Variants in RAB6A observed in about 807,000 individuals in gnomAD.
RAB6A encodes RAB6A, member RAS oncogene family, also known as ras-related protein Rab-6A.
Under a neutral mutation model 32.3 loss-of-function variants are expected in RAB6A, and 8 were observed. The ratio of observed to expected loss-of-function variants is 0.25; its 90% confidence interval spans 0.15 to 0.45. RAB6A has a LOEUF of 0.45. Ranked by LOEUF, RAB6A falls within the 20% of genes least tolerant of loss-of-function variation. RAB6A has a pLI of 1.00. For missense variants in RAB6A, 104 were observed against 249.4 expected (o/e 0.42, Z 3.93); for synonymous variants, 73 against 82.1 (o/e 0.89, Z 0.60).
At chr11:73,724,778 G>A (rs1041766621) in intron 2 of RAB6A, among the ~76,000 whole-genome samples, 7 of 152,190 alleles carry the variant, frequency 4.6e-5, no homozygotes, top group Non-Finnish European at 8.8e-5. Context: ...GAGCCACTGC[G>A]CCTGGCCTCC....
intron 1 of RAB6A, among the ~76,000 whole-genome samples, chr11:73,746,158 A>T (rs1348860915): frequency 1.3e-5 from 2 of 151,406 alleles, no homozygotes; most frequent in African/African-American, 4.9e-5. Context: ...AGACCCCATC[A>T]ATTTAAAAGA....
chr11:73,751,113 G>A (rs1276450122), intron 1 of RAB6A, among the ~76,000 whole-genome samples: 1 of 151,984 alleles, frequency 6.6e-6, no homozygotes, highest in Non-Finnish European at 1.5e-5. Flanking sequence ...CGGCCAAAGT[G>A]TACTTTTAAA....
At chr11:73,718,556 A>G in intron 4 of RAB6A, 57 bp downstream of exon 4, 1 of 1,395,458 alleles carries the variant, frequency 7.2e-7, no homozygotes, top group Non-Finnish European at 9.9e-7. Flanking sequence ...AAGAACATGC[A>G]TGCAGCTAAG....
chr11:73,745,675 A>G (rs1946577062), intron 1 of RAB6A, among the ~76,000 whole-genome samples: 1 of 152,104 alleles, frequency 6.6e-6, no homozygotes. Flanking sequence ...TACTAAAAAT[A>G]TAAAAACTTA....
chr11:73,721,504 T>C (rs1465608499), intron 2 of RAB6A, among the ~76,000 whole-genome samples: 1 of 152,180 alleles, frequency 6.6e-6, no homozygotes, highest in Non-Finnish European at 1.5e-5. Flanking sequence ...GCCTGGCTGC[T>C]GTTTTCCCTA....
In RAB6A at chr11:73,707,529, C is replaced by CA. The variant is rs1945867652; in HGVS notation, c.402-17dup. 6.4e-7 allele frequency: 1 copy of CA among 1,558,478 alleles called. No homozygotes were observed. The highest frequency in any genetic ancestry group is 8.8e-7 in the Non-Finnish European group (1 of 1,130,714). On this transcript the variant is annotated splice_polypyrimidine_tract_variant and intron_variant, in intron 5 of 7. Transcript: ENST00000336083. ...TGACACTTGCCTGTAAAGAAACAAA[C>CA]AAACTTCTTACTTTTGAGACATGAG...
At chr11:73,752,826 GA>G (rs200880350) in intron 1 of RAB6A, among the ~76,000 whole-genome samples, 29 of 132,062 alleles carry the variant, frequency 2.2e-4, no homozygotes, top group African/African-American at 1.7e-4. Context: ...TCAAAAAAAA[GA>G]AAAAAAAAAT....
chr11:73,684,166 T>C (rs1945402791), intron 6 of RAB6A, among the ~76,000 whole-genome samples: 1 of 54,046 alleles, frequency 1.9e-5, no homozygotes, highest in Non-Finnish European at 4.5e-5. Flanking sequence ...ACATACATTG[T>C]TGTTTTTTTT....
chr11:73,743,410 C>T (rs745329635), intron 1 of RAB6A, among the ~76,000 whole-genome samples: 8 of 152,138 alleles, frequency 5.3e-5, no homozygotes, highest in South Asian at 4.2e-4. Flanking sequence ...GCAGGGGTCC[C>T]CAGTATCCGT....
At chr11:73,684,140 AT>A (rs1200346816) in intron 6 of RAB6A, among the ~76,000 whole-genome samples, 1 of 149,106 alleles carries the variant, frequency 6.7e-6, no homozygotes, top group East Asian at 2.0e-4. Flanking sequence ...GTAATAAAGT[AT>A]TTTTTAATTA....
At chr11:73,728,043 A>G (rs955505692) in intron 2 of RAB6A, among the ~76,000 whole-genome samples, 4 of 152,240 alleles carry the variant, frequency 2.6e-5, no homozygotes, top group African/African-American at 7.2e-5. Context: ...ATTGTTTCAC[A>G]AAAACATTTC....
At chr11:73,752,597 C>T (rs765521747) in intron 1 of RAB6A, among the ~76,000 whole-genome samples, 6 of 152,134 alleles carry the variant, frequency 3.9e-5, no homozygotes, top group Admixed American at 2.0e-4. Context: ...CCAGGCAGAT[C>T]GCATGAGCTC....
At position 73,758,406 on chromosome 11, in the gene RAB6A, CAG is replaced by C. The variant is rs149008292; in HGVS notation, c.70+2158_70+2159del. Among the ~76,000 whole-genome samples, 839 of 152,062 alleles carry C rather than the reference CAG, an allele frequency of 5.5e-3. 9 individuals are homozygous for C. The highest frequency in any genetic ancestry group is 0.019 in the African/African-American group (796 of 41,464). ...CCATACTAATGCAAGATGTTGATAA[CAG>C]GGGAAACTAGATGTGTGGGTATATG... On this transcript the variant is annotated intron_variant, in intron 1 of 7. Coordinates refer to ENST00000336083, the MANE Select transcript of RAB6A (RefSeq NM_198896.2).
chr11:73,678,740 G>T (rs1216599487), intron 7 of RAB6A, among the ~76,000 whole-genome samples: 1 of 150,858 alleles, frequency 6.6e-6, no homozygotes, highest in East Asian at 1.9e-4. Context: ...TTTTTTTGGG[G>T]GGGGAATGGA....
intron 1 of RAB6A, among the ~76,000 whole-genome samples, chr11:73,748,141 A>G (rs1946620178): frequency 6.6e-6 from 1 of 152,144 alleles, no homozygotes; most frequent in African/African-American, 2.4e-5. Flanking sequence ...GTGATTTTTA[A>G]ATTTACCTCA....
At chr11:73,744,978 G>GAAAAAAAAAAA (rs58654043) in intron 1 of RAB6A, among the ~76,000 whole-genome samples, 1 of 83,130 alleles carries the variant, frequency 1.2e-5, no homozygotes. Context: ...CATCTCAAAA[G>GAAAAAAAAAAA]AAAAAAAAAA....
intron 3 of RAB6A, among the ~76,000 whole-genome samples, chr11:73,720,008 TTAAA>T (rs1475203350): frequency 6.6e-6 from 1 of 151,512 alleles, no homozygotes. Context: ...ACACTGGAAA[TTAAA>T]TAATGTTTTT....
chr11:73,679,714 G>C lies in RAB6A; in HGVS notation c.502C>G (p.Arg168Gly). Residue 168 changes from arginine (R) to glycine (G), a missense_variant, in exon 7 of 8, where the codon CGA becomes GGA. Transcript: ENST00000336083. Reference sequence around the variant, plus strand: ...CCCGGCAAAGCTGCTGCTACACGTCGAAAGAGCTGTGGGAAAGAGAGAAAA... The same window carrying C: ...CCCGGCAAAGCTGCTGCTACACGTCCAAAGAGCTGTGGGAAAGAGAGAAAA... ...KAGYNVKQLF[R>G]RVAAALPGME... 6.3e-7 allele frequency: 1 copy of C among 1,585,120 alleles called. No individual in the cohort carries two copies. Among genetic ancestry groups the C allele is most frequent in the Non-Finnish European group, 8.6e-7 (1 of 1,164,208 alleles).
chr11:73,676,078 A>G lies in RAB6A; in HGVS notation c.*1820T>C, dbSNP rs370361213. ...AAGCATTTCTCTATTCAGATCCATAATCCAAGTGCTCTCTGAATATTACAA... is the reference window on the plus strand; with the variant it reads ...AAGCATTTCTCTATTCAGATCCATAGTCCAAGTGCTCTCTGAATATTACAA... On this transcript the variant is annotated 3_prime_UTR_variant, in exon 8 of 8. Transcript: ENST00000336083. 7 of 167,104 alleles carry G rather than the reference A, an allele frequency of 4.2e-5. No homozygotes were observed. Among genetic ancestry groups the G allele is most frequent in the African/African-American group, 1.7e-4 (7 of 41,460 alleles). The allele number at this position is 167,104 out of a possible 1,614,324, so 10.4% of individuals were successfully genotyped here. A position where few individuals can be genotyped will look rare whatever the true frequency, so the allele number is the denominator to read the frequency against.
Sources: allele counts gnomAD v4.1 joint callset (sites outside exome capture counted in the v4.1 genomes callset), GRCh38; gene constraint gnomAD v4.1.1; transcripts MANE v1.5; gene names NCBI Gene and HGNC (gene_info 2026-07-23, HGNC 2026-07-21).